TNS1: variants seen among roughly 807,000 people sequenced by gnomAD.
TNS1 encodes tensin-1.
TNS1 carries 62 observed loss-of-function variants against 168.6 expected under a neutral mutation model. That is an observed-to-expected ratio of 0.37 (90% CI 0.30 to 0.45). The LOEUF (loss-of-function observed/expected upper bound fraction) is 0.45. Ranked by LOEUF, TNS1 falls within the 20% of genes least tolerant of loss-of-function variation. The pLI is 1.00. For synonymous variants in TNS1, 934 were observed against 933.2 expected (o/e 1.00, Z -0.02); for missense variants, 2,240 against 2,339.4 (o/e 0.96, Z 0.88).
chr2:217,843,152 G>C (rs747777225), intron 19 of TNS1, among the ~76,000 whole-genome samples: 3 of 149,796 alleles, frequency 2.0e-5, no homozygotes, highest in Non-Finnish European at 3.0e-5. Context: ...AAAAACACAA[G>C]AGTTTTCACT....
chr2:217,882,890 A>T (rs565996920), intron 16 of TNS1, among the ~76,000 whole-genome samples: 1 of 152,218 alleles, frequency 6.6e-6, no homozygotes, highest in Non-Finnish European at 1.5e-5. Flanking sequence ...CAATCTCCCA[A>T]GCCAAAGTGG....
intron 9 of TNS1, among the ~76,000 whole-genome samples, 178 bp downstream of exon 9, chr2:217,894,828 C>T (rs1026383001): frequency 2.6e-5 from 4 of 152,172 alleles, no homozygotes; most frequent in African/African-American, 7.2e-5. Context: ...CCAAGCTTTG[C>T]TTTCTGTAAT....
intron 32 of TNS1, among the ~76,000 whole-genome samples, chr2:217,805,754 TACAC>T (rs1387709665): frequency 2.5e-5 from 2 of 80,066 alleles, no homozygotes; most frequent in African/African-American, 1.0e-4. Flanking sequence ...CCACCACACA[TACAC>T]ACCACACACC....
upstream of TNS1, among the ~76,000 whole-genome samples, chr2:218,013,170 C>T (rs894127837): frequency 5.3e-5 from 8 of 151,718 alleles, no homozygotes; most frequent in South Asian, 2.1e-4. Context: ...GCAGGAGAAT[C>T]GCTTGAACCC....
chr2:217,949,583 A>C (rs988635041), intron 3 of TNS1, among the ~76,000 whole-genome samples: 2 of 152,228 alleles, frequency 1.3e-5, no homozygotes, highest in Admixed American at 6.5e-5. Context: ...AGCTGAGTAG[A>C]TTCCTAGCCA....
At chr2:217,824,346 A>G (rs1403128415) in intron 22 of TNS1, among the ~76,000 whole-genome samples, 1 of 152,184 alleles carries the variant, frequency 6.6e-6, no homozygotes. Flanking sequence ...TGGGTGACCT[A>G]GACAGGGCCC....
chr2:218,027,345 T>C (rs1353351690), intron 1 of TNS1, among the ~76,000 whole-genome samples: 1 of 151,838 alleles, frequency 6.6e-6, no homozygotes, highest in African/African-American at 2.4e-5. Flanking sequence ...CTCACCTCGT[T>C]CCCAGCTTCT....
At chr2:217,972,840 T>G (rs1049910306) in intron 3 of TNS1, among the ~76,000 whole-genome samples, 2 of 152,222 alleles carry the variant, frequency 1.3e-5, no homozygotes, top group African/African-American at 2.4e-5. Context: ...ATCCAGGGGC[T>G]AGGGGAAACT....
At chr2:217,966,555 G>A (rs1460383743) in intron 3 of TNS1, among the ~76,000 whole-genome samples, 3 of 152,122 alleles carry the variant, frequency 2.0e-5, no homozygotes, top group African/African-American at 4.8e-5. Context: ...GCAAACACGG[G>A]CTCCACAAGC....
chr2:217,889,613 C>G (rs548231749), intron 12 of TNS1, among the ~76,000 whole-genome samples: 1 of 152,358 alleles, frequency 6.6e-6, no homozygotes, highest in Non-Finnish European at 1.5e-5. Context: ...TTTGAATCAG[C>G]CCTCTTTCCA....
intron 24 of TNS1, among the ~76,000 whole-genome samples, chr2:217,816,289 A>G (rs1326962559): frequency 6.6e-6 from 1 of 152,222 alleles, no homozygotes; most frequent in Non-Finnish European, 1.5e-5. Context: ...ACAGAAAAAG[A>G]TGAGGATTCC....
chr2:217,990,556 A>G (rs1958338972), intron 2 of TNS1, among the ~76,000 whole-genome samples: 1 of 151,922 alleles, frequency 6.6e-6, no homozygotes, highest in Non-Finnish European at 1.5e-5. Context: ...TGCATCATCC[A>G]CACACCAGCC....
chr2:217,910,884 C>T (rs372504164), intron 4 of TNS1, among the ~76,000 whole-genome samples: 2 of 152,128 alleles, frequency 1.3e-5, no homozygotes, highest in South Asian at 4.1e-4. Context: ...ATCTGCCCAG[C>T]CTTTCATGGT....
At chr2:217,835,349 C>A (rs1945021917) in intron 20 of TNS1, among the ~76,000 whole-genome samples, 183 bp from the exon 21 acceptor site, 1 of 152,196 alleles carries the variant, frequency 6.6e-6, no homozygotes, top group South Asian at 2.1e-4. Flanking sequence ...AAAAGATATC[C>A]ACAAGCCACT....
At chr2:217,865,373 C>T (rs777795229) in intron 18 of TNS1, among the ~76,000 whole-genome samples, 2 of 152,196 alleles carry the variant, frequency 1.3e-5, no homozygotes, top group Non-Finnish European at 2.9e-5. Flanking sequence ...CACCCTTGGG[C>T]CTTTCTGCCT....
In TNS1 at chr2:217,946,969, T is replaced by TCTCA. The variant is rs1553618866; in HGVS notation, c.187-26734_187-26733insTGAG. Among the ~76,000 whole-genome samples, 621 of 118,824 alleles carry TCTCA rather than the reference T, an allele frequency of 5.2e-3. 12 individuals carry two copies. Among genetic ancestry groups the TCTCA allele is most frequent in the African/African-American group, 0.023 (564 of 24,534 alleles). 78.0% of individuals were successfully genotyped at this position (118,824 alleles called of 152,430 possible). On this transcript the variant is annotated intron_variant, in intron 3 of 32. Coordinates refer to ENST00000682258, the MANE Select transcript of TNS1 (RefSeq NM_001387777.1). ...CTCTCTCTCTCTCTCTCTCTCTCTC[T>TCTCA]CACACACACACACACACACACACAC...
chr2:217,896,010 C>T (rs1427502801), intron 8 of TNS1, among the ~76,000 whole-genome samples: 2 of 152,220 alleles, frequency 1.3e-5, no homozygotes, highest in African/African-American at 4.8e-5. Context: ...GTACAATAGC[C>T]ATCACTCAAT....
At chr2:217,838,717 G>C (rs779047595) in intron 19 of TNS1, among the ~76,000 whole-genome samples, 1 of 152,224 alleles carries the variant, frequency 6.6e-6, no homozygotes, top group Non-Finnish European at 1.5e-5. Flanking sequence ...TCCGCCTGGA[G>C]TGCCTGGAGA....
In TNS1 at chr2:217,818,221, G is replaced by T. The variant is rs772815271; in HGVS notation, c.4111C>A (p.Pro1371Thr). The change falls in exon 24 of 33, where the codon CCG (proline) becomes ACG (threonine). Residue 1371 changes from proline to threonine, a missense_variant. Physicochemically the swap from Pro to Thr is conservative, Grantham distance 38. Transcript: ENST00000682258. Reference protein sequence around the residue: ...SGLHNKVATTPGSPSLGRHPG... With the variant: ...SGLHNKVATTTGSPSLGRHPG... ...TGCCGGCCCAGGCTGGGACTCCCCG[G>T]GGTGGTGGCCACTTTGTTGTGGAGG... is the stretch of plus-strand genomic sequence containing the variant. 1 of 1,613,884 alleles carries T rather than the reference G, an allele frequency of 6.2e-7. No individual in the cohort carries two copies. Among genetic ancestry groups the T allele is most frequent in the Non-Finnish European group, 8.5e-7 (1 of 1,179,912 alleles).
Sources: gnomAD v4.1 joint callset for allele counts (sites outside exome capture counted in the v4.1 genomes callset) on GRCh38, gnomAD v4.1.1 for gene constraint, MANE v1.5 for transcripts, NCBI Gene and HGNC (gene_info 2026-07-23, HGNC 2026-07-21) for gene names.